MYO9A: variants seen among roughly 807,000 people sequenced by gnomAD.
The protein encoded by MYO9A is myosin IXA, also known as unconventional myosin-IXa.
Under a neutral mutation model 293.3 loss-of-function variants are expected in MYO9A, and 103 were observed. The observed-to-expected ratio is 0.35, with a 90% CI of 0.30 to 0.41. The LOEUF is 0.41. MYO9A is among the 10% of genes least tolerant of loss of function. MYO9A has a pLI of 1.00. For synonymous variants in MYO9A, 1,001 were observed against 1,035.7 expected, an observed-to-expected ratio of 0.97 and a Z score of 0.64; for missense variants, 2,685 against 3,033.0, an observed-to-expected ratio of 0.89 and a Z score of 2.69.
In MYO9A at chr15:71,878,208, C is replaced by A; in HGVS notation, c.5763G>T (p.Arg1921=). Residue 1921 remains arginine, a synonymous_variant, in exon 31 of 42, where the codon CGG becomes CGT. Transcript: ENST00000356056. ...ALAMDDGKSI[R]YKDLYALFEQ... The stretch of plus-strand genomic sequence containing the variant: ...CAAATAGTGCATAGAGGTCTTTATA[C>A]CGTATGCTTTTCCCATCATCCATCT... The A allele has an allele frequency of 6.4e-7, 1 of 1,561,346 alleles. No homozygotes were observed. The highest frequency in any genetic ancestry group is 8.6e-7 in the Non-Finnish European group (1 of 1,159,080).
At chr15:72,027,621 C>A (rs972049575) in intron 4 of MYO9A, 110 bp downstream of exon 4, 1 of 793,488 alleles carries the variant, frequency 1.3e-6, no homozygotes, top group Admixed American at 2.6e-5. Context: ...ATGCATAAAG[C>A]TATGCATGAC....
chr15:71,904,332 T>A (rs143349195), intron 20 of MYO9A, among the ~76,000 whole-genome samples: 1 of 152,134 alleles, frequency 6.6e-6, no homozygotes, highest in East Asian at 1.9e-4. Flanking sequence ...AGAGGCCACA[T>A]AGTCCAATCA....
intron 6 of MYO9A, among the ~76,000 whole-genome samples, chr15:72,016,936 C>T (rs751157544): frequency 6.6e-6 from 1 of 151,176 alleles, no homozygotes; most frequent in Non-Finnish European, 1.5e-5. Context: ...CCATTATTAA[C>T]CCCTAAAATA....
chr15:72,105,368 C>T (rs2151010340), intron 1 of MYO9A, among the ~76,000 whole-genome samples: 1 of 152,200 alleles, frequency 6.6e-6, no homozygotes, highest in East Asian at 1.9e-4. Flanking sequence ...GGACCACAGG[C>T]ACACACCACA....
At chr15:71,885,666 G>C (rs1216685443) in intron 27 of MYO9A, among the ~76,000 whole-genome samples, 1 of 152,052 alleles carries the variant, frequency 6.6e-6, no homozygotes, top group Non-Finnish European at 1.5e-5. Context: ...TTTGGTATGG[G>C]TCTATTTTCA....
intron 1 of MYO9A, among the ~76,000 whole-genome samples, chr15:72,103,417 C>CAGCAGA (rs1567044456): frequency 7.2e-6 from 1 of 138,364 alleles, no homozygotes; most frequent in African/African-American, 2.9e-5. Context: ...CAGCAAGCAG[C>CAGCAGA]AGCAGAAGCA....
At chr15:72,026,454 A>G (rs921968409) in intron 4 of MYO9A, among the ~76,000 whole-genome samples, 2 of 151,728 alleles carry the variant, frequency 1.3e-5, no homozygotes, top group Admixed American at 6.6e-5. Flanking sequence ...AAACAGTTGA[A>G]GCAGTGCTTA....
chr15:71,899,627 G>T, intron 24 of MYO9A, 60 bp downstream of exon 24: 9 of 1,390,184 alleles, frequency 6.5e-6, no homozygotes, highest in Non-Finnish European at 8.9e-6. Flanking sequence ...TTAATGCAGA[G>T]GTATAAACAA....
chr15:71,981,208 G>C (rs185529234), intron 11 of MYO9A, among the ~76,000 whole-genome samples: 2 of 152,110 alleles, frequency 1.3e-5, no homozygotes, highest in South Asian at 2.1e-4. Context: ...TAGAATTTTT[G>C]TATCTGTGTT....
At chr15:72,094,366 A>ATT (rs3028399) in intron 1 of MYO9A, among the ~76,000 whole-genome samples, 1 of 87,208 alleles carries the variant, frequency 1.1e-5, no homozygotes, top group African/African-American at 2.7e-5. Flanking sequence ...ACAGATAGTG[A>ATT]TTTTTTAACA....
chr15:71,862,815 A>C (rs2056190224), intron 32 of MYO9A, among the ~76,000 whole-genome samples: 1 of 152,128 alleles, frequency 6.6e-6, no homozygotes, highest in African/African-American at 2.4e-5. Context: ...ACATGACCAA[A>C]TTATATGAAA....
intron 11 of MYO9A, 90 bp from the exon 12 acceptor site, chr15:71,978,382 AATTCTAAG>A (rs764907071): frequency 2.3e-5 from 25 of 1,070,312 alleles, no homozygotes; most frequent in Non-Finnish European, 3.0e-5. Flanking sequence ...CCCTGCTTAA[AATTCTAAG>A]ATTTTAAAAA....
chr15:71,938,447 C>T (rs959194856), intron 16 of MYO9A, among the ~76,000 whole-genome samples: 1 of 152,030 alleles, frequency 6.6e-6, no homozygotes, highest in Non-Finnish European at 1.5e-5. Context: ...CTTTGGTAAT[C>T]GCACTCACCC....
intron 32 of MYO9A, among the ~76,000 whole-genome samples, chr15:71,865,966 A>T (rs934281072): frequency 6.6e-6 from 1 of 152,184 alleles, no homozygotes; most frequent in African/African-American, 2.4e-5. Flanking sequence ...AAGAATCAAA[A>T]CTTAATATAA....
chr15:71,872,633 T>C (rs938467877), intron 32 of MYO9A, among the ~76,000 whole-genome samples: 1 of 152,122 alleles, frequency 6.6e-6, no homozygotes, highest in African/African-American at 2.4e-5. Context: ...TCTGAATGGA[T>C]ATAATATAAA....
intron 36 of MYO9A, among the ~76,000 whole-genome samples, chr15:71,851,585 TA>T (rs1230339474): frequency 1.3e-5 from 2 of 152,154 alleles, no homozygotes; most frequent in African/African-American, 4.8e-5. Context: ...TAATCCTTAA[TA>T]ACAGCAAGGG....
chr15:72,057,466 C>A (rs1408228224), intron 1 of MYO9A, among the ~76,000 whole-genome samples: 2 of 152,168 alleles, frequency 1.3e-5, no homozygotes, highest in Non-Finnish European at 2.9e-5. Context: ...AAAACTATTT[C>A]TCCTCCTTGT....
intron 1 of MYO9A, among the ~76,000 whole-genome samples, chr15:72,113,049 A>G (rs1358932501): frequency 1.3e-5 from 2 of 152,202 alleles, no homozygotes; most frequent in African/African-American, 2.4e-5. Context: ...TGGGCAACAC[A>G]GTGAGACCCT....
intron 14 of MYO9A, chr15:71,959,200 CT>C (rs1398873317): frequency 6.6e-6 from 1 of 152,140 alleles, no homozygotes; most frequent in African/African-American, 2.4e-5. Context: ...ACTTTACAAT[CT>C]AAAAAATGGA....
Sources: allele counts gnomAD v4.1 joint callset (sites outside exome capture counted in the v4.1 genomes callset), GRCh38; gene constraint gnomAD v4.1.1; transcripts MANE v1.5; gene names NCBI Gene and HGNC (gene_info 2026-07-23, HGNC 2026-07-21).